Variants in CCDC82 observed in about 807,000 individuals in gnomAD.
The protein encoded by CCDC82 is coiled-coil domain-containing protein 82.
Under a neutral mutation model 60.6 loss-of-function variants are expected in CCDC82, and 47 were observed. The observed-to-expected ratio is 0.77, with a 90% confidence interval of 0.61 to 0.99. CCDC82 has a LOEUF of 0.99. CCDC82 is among the 50% of genes least tolerant of loss of function. The probability of loss-of-function intolerance (pLI) is 0.00; values close to 1 mark genes in which losing one functional copy is unlikely to be tolerated. For missense variants in CCDC82, 588 were observed against 633.0 expected (o/e 0.93, Z 0.76); for synonymous variants, 212 against 207.4 (o/e 1.02, Z -0.19).
In CCDC82 at chr11:96,367,139, T is replaced by C. The variant is rs150033997; in HGVS notation, c.1210-1989A>G. The stretch of plus-strand genomic sequence containing the variant: ...TGGCTACTGACTGATAAGGGGCTAG[T>C]TGCTGAAGGCTGGGGTAGCTGTGGC... On this transcript the variant is annotated intron_variant, in intron 7 of 9. Coordinates refer to ENST00000646818, the MANE Select transcript of CCDC82 (RefSeq NM_024725.4). 2.0e-5 allele frequency among the ~76,000 whole-genome samples: 3 copies of C among 152,356 alleles called. No homozygotes were observed. In the East Asian group the frequency reaches 5.8e-4, roughly 29 times the overall value.
chr11:96,360,870 A>G (rs548050877), intron 8 of CCDC82, among the ~76,000 whole-genome samples: 58 of 152,360 alleles, frequency 3.8e-4, no homozygotes, highest in African/African-American at 1.3e-3. Flanking sequence ...TGAAAACTGT[A>G]TTTTGGACAT....
chr11:96,361,700 A>G (rs1329963876), intron 8 of CCDC82, among the ~76,000 whole-genome samples: 1 of 152,230 alleles, frequency 6.6e-6, no homozygotes, highest in Non-Finnish European at 1.5e-5. Flanking sequence ...ACAGTACAAT[A>G]CAGCTTACAC....
intron 8 of CCDC82, 105 bp downstream of exon 8, chr11:96,364,875 T>C: frequency 9.6e-7 from 1 of 1,037,860 alleles, no homozygotes; most frequent in Middle Eastern, 3.0e-4. Context: ...GATTATATGC[T>C]AAAAATGTTT....
intron 5 of CCDC82, among the ~76,000 whole-genome samples, chr11:96,374,523 T>C (rs1032589585): frequency 4.6e-5 from 7 of 152,180 alleles, no homozygotes; most frequent in South Asian, 2.1e-4. Flanking sequence ...TAAATGACAA[T>C]AGCAGATCAT....
rs900114721 is a variant in CCDC82, at chr11:96,370,928, G to T, written c.1209+85C>A. The T allele has an allele frequency of 4.3e-6, 5 of 1,162,038 alleles. No individual in the cohort carries two copies. The African/African-American group carries it at 7.9e-5, about 18-fold the overall frequency. 72.0% of individuals were successfully genotyped at this position (1,162,038 alleles called of 1,614,324 possible). A position where few individuals can be genotyped will look rare whatever the true frequency, so the allele number is the denominator to read the frequency against. On this transcript the variant is annotated intron_variant, in intron 7 of 9. Coordinates refer to ENST00000646818, the MANE Select transcript of CCDC82 (RefSeq NM_024725.4). ...TTAACAAAGACATGCCAATATTTTAGAAGATTATTCAGTCTGGATTTTAAA... is the reference window on the plus strand; with the variant it reads ...TTAACAAAGACATGCCAATATTTTATAAGATTATTCAGTCTGGATTTTAAA...
intron 9 of CCDC82, chr11:96,356,407 G>A (rs1864351518): frequency 1.0e-6 from 1 of 980,874 alleles, no homozygotes; most frequent in Non-Finnish European, 1.2e-6. Flanking sequence ...ACTTGTAACA[G>A]TTTTACACAC....
intron 9 of CCDC82, chr11:96,357,778 AATG>A: frequency 8.1e-6 from 8 of 985,440 alleles, no homozygotes; most frequent in Non-Finnish European, 8.4e-6. Context: ...TGTCTAGGAA[AATG>A]AAGACGGGAA....
intron 1 of CCDC82, 163 bp from the exon 2 acceptor site, chr11:96,387,776 T>C (rs974787983): frequency 1.3e-5 from 2 of 152,246 alleles, no homozygotes; most frequent in Non-Finnish European, 2.9e-5. Flanking sequence ...CGAATTTTAC[T>C]GCACGAGTTA....
chr11:96,367,791 T>C (rs11021555), intron 7 of CCDC82, among the ~76,000 whole-genome samples: 53,479 of 150,798 alleles, frequency 0.35, 9,754 homozygotes, highest in Non-Finnish European at 0.4. Flanking sequence ...TCACTGTCTA[T>C]GGCTGCTACA....
chr11:96,362,968 CTT>C (rs1174356718), intron 8 of CCDC82, among the ~76,000 whole-genome samples: 4 of 145,288 alleles, frequency 2.8e-5, no homozygotes, highest in Non-Finnish European at 3.0e-5. Flanking sequence ...TTTTTCTTTT[CTT>C]TTTTTTTTTT....
chr11:96,379,669 C>T (rs1377439728), intron 5 of CCDC82, among the ~76,000 whole-genome samples: 1 of 151,812 alleles, frequency 6.6e-6, no homozygotes, highest in East Asian at 1.9e-4. Context: ...CATAAAATTA[C>T]ATAACCAACA....
chr11:96,359,159 A>G lies in CCDC82; in HGVS notation c.1400T>C (p.Ile467Thr). The G allele has an allele frequency of 6.3e-7, 1 of 1,580,928 alleles. No homozygotes were observed. The highest frequency in any genetic ancestry group is 1.2e-5 in the South Asian group (1 of 84,042). ...ATAAATTCTGGTACGGCTGGCACAA[A>G]TTCTGCCAACAGTGAACACCTAAAT... ...HDKQVFTVGR[I>T]CASRTRIYHK... Residue 467 changes from isoleucine (I) to threonine (T), a missense_variant, in exon 9 of 10, where the codon ATT becomes ACT. Transcript: ENST00000646818.
intron 1 of CCDC82, 35 bp downstream of exon 1, chr11:96,389,809 C>T (rs1043271602): frequency 1.3e-5 from 2 of 152,566 alleles, no homozygotes; most frequent in African/African-American, 4.8e-5. Context: ...GAGTCCCAGC[C>T]GGGAGACAGC....
At chr11:96,378,497 G>T (rs563154213) in intron 5 of CCDC82, among the ~76,000 whole-genome samples, 2 of 151,780 alleles carry the variant, frequency 1.3e-5, no homozygotes, top group African/African-American at 4.8e-5. Context: ...TCCATTCTTA[G>T]GCCCACTCTT....
chr11:96,380,703 G>A (rs1455480438), intron 5 of CCDC82: 1 of 151,806 alleles, frequency 6.6e-6, no homozygotes, highest in Non-Finnish European at 1.5e-5. Flanking sequence ...GGAAACCTAA[G>A]TGCATATTAT....
chr11:96,368,984 C>T (rs1277832634), intron 7 of CCDC82, among the ~76,000 whole-genome samples: 1 of 152,158 alleles, frequency 6.6e-6, no homozygotes. Flanking sequence ...GCTGCAGCTT[C>T]TCCATTAGCA....
chr11:96,379,293 A>C (rs909678302), intron 5 of CCDC82, among the ~76,000 whole-genome samples: 2 of 151,876 alleles, frequency 1.3e-5, no homozygotes, highest in Admixed American at 1.3e-4. Flanking sequence ...ATATGGTATA[A>C]AATTGCTAAA....
chr11:96,389,542 T>A (rs4753749), intron 1 of CCDC82: 6 of 151,562 alleles, frequency 4.0e-5, no homozygotes, highest in African/African-American at 7.3e-5. Context: ...AGAAAACAAT[T>A]ACAAGGGTCT....
At position 96,377,003 on chromosome 11, in the gene CCDC82, T is replaced by C. The variant is rs192845727; in HGVS notation, c.992-3536A>G. 3.0e-4 allele frequency among the ~76,000 whole-genome samples: 46 copies of C among 152,268 alleles called. 1 individual carries two copies. Among genetic ancestry groups the C allele is most frequent in the African/African-American group, 1.1e-3 (46 of 41,550 alleles). On this transcript the variant is annotated intron_variant, in intron 5 of 9. Transcript: ENST00000646818. Reference sequence around the variant, plus strand: ...GGATTCCTGGACACTATCTCTGCTTTCTCCCACAACCCCCAGGAGGATGTG... The same window carrying C: ...GGATTCCTGGACACTATCTCTGCTTCCTCCCACAACCCCCAGGAGGATGTG...
Sources: allele counts gnomAD v4.1 joint callset (sites outside exome capture counted in the v4.1 genomes callset), GRCh38; gene constraint gnomAD v4.1.1; transcripts MANE v1.5; gene names NCBI Gene and HGNC (gene_info 2026-07-23, HGNC 2026-07-21).